The following FRRS1 variants were observed in gnomAD, a reference collection of about 807,000 sequenced individuals.
FRRS1 encodes ferric reductase 1.
In FRRS1, 51 loss-of-function variants were observed where a neutral mutation model predicts 70.7. The ratio of observed to expected loss-of-function variants is 0.72; its 90% CI spans 0.58 to 0.91. The LOEUF is 0.91. FRRS1 is among the 40% of genes least tolerant of loss of function. The probability of loss-of-function intolerance (pLI) is 0.00; values close to 1 mark genes in which losing one functional copy is unlikely to be tolerated. For missense variants in FRRS1, 672 were observed against 726.0 expected, an observed-to-expected ratio of 0.93 and a Z score of 0.86; for synonymous variants, 225 against 238.7, an observed-to-expected ratio of 0.94 and a Z score of 0.53.
intron 9 of FRRS1, among the ~76,000 whole-genome samples, chr1:99,720,656 A>C (rs1219035877): frequency 2.0e-5 from 3 of 152,168 alleles, no homozygotes; most frequent in Non-Finnish European, 4.4e-5. Flanking sequence ...AAAATTGTCC[A>C]CCTAGATATT....
intron 10 of FRRS1, 52 bp from the exon 11 acceptor site, chr1:99,717,577 C>T (rs371515765): frequency 2.1e-4 from 262 of 1,256,510 alleles, no homozygotes; most frequent in East Asian, 3.3e-4. Context: ...ATCAAGCCAT[C>T]GCTTAAATGA....
chr1:99,747,615 G>A, intron 3 of FRRS1, 185 bp from the exon 4 acceptor site: 1 of 566,020 alleles, frequency 1.8e-6, no homozygotes, highest in Non-Finnish European at 3.1e-6. Context: ...TGTTCCATAA[G>A]ATATTCAATC....
chr1:99,748,266 G>A (rs1656388355), intron 3 of FRRS1: 1 of 192,926 alleles, frequency 5.2e-6, no homozygotes, highest in Non-Finnish European at 1.0e-5. Flanking sequence ...ATATCAAGAA[G>A]GACAAGGGTT....
At position 99,715,575 on chromosome 1, in the gene FRRS1, G is replaced by C. The variant is rs201835595; in HGVS notation, c.1323+11C>G. The C allele has an allele frequency of 1.6e-4, 249 of 1,527,656 alleles. No individual in the cohort carries two copies. The highest frequency in any genetic ancestry group is 2.1e-4 in the Non-Finnish European group (234 of 1,103,566). The allele number at this position is 1,527,656 out of a possible 1,614,324, so 94.6% of individuals were successfully genotyped here. Reference sequence around the variant, plus strand: ...GATTTATAAAAAAAACCCTATTTAAGATATACTTACCCTACTCCAGCCTCC... The same window carrying C: ...GATTTATAAAAAAAACCCTATTTAACATATACTTACCCTACTCCAGCCTCC... On this transcript the variant is annotated intron_variant, in intron 12 of 16. Coordinates refer to ENST00000646001, the MANE Select transcript of FRRS1 (RefSeq NM_001361041.2).
intron 7 of FRRS1, among the ~76,000 whole-genome samples, chr1:99,736,534 C>A (rs1655665051): frequency 6.7e-6 from 1 of 149,100 alleles, no homozygotes; most frequent in Non-Finnish European, 1.5e-5. Flanking sequence ...AAACCAAACA[C>A]CGCATGTTCT....
intron 12 of FRRS1, among the ~76,000 whole-genome samples, chr1:99,713,409 A>G (rs1245416265): frequency 6.6e-6 from 1 of 152,236 alleles, no homozygotes; most frequent in Non-Finnish European, 1.5e-5. Flanking sequence ...TGAATAAAAT[A>G]AAGTTCTCAT....
chr1:99,716,573 T>C (rs946612019), intron 11 of FRRS1, among the ~76,000 whole-genome samples: 5 of 152,146 alleles, frequency 3.3e-5, no homozygotes, highest in African/African-American at 1.2e-4. Context: ...CAAATCAGAC[T>C]GGCCTTCCCA....
At chr1:99,725,378 T>G (rs189988006) in intron 9 of FRRS1, among the ~76,000 whole-genome samples, 1 of 152,314 alleles carries the variant, frequency 6.6e-6, no homozygotes, top group Admixed American at 6.5e-5. Flanking sequence ...GTTCCCTGTA[T>G]CCCCTCGACT....
rs372686452 is a variant in FRRS1 at position 99,748,567 on chromosome 1, C to T, written c.196+6G>A. Reference sequence around the variant, plus strand: ...AAAATGTAAACAGTTAATCCCAGCACGGTACCTTCAATCTGATCTCCTGGC... The same window carrying T: ...AAAATGTAAACAGTTAATCCCAGCATGGTACCTTCAATCTGATCTCCTGGC... On this transcript the variant is annotated splice_donor_region_variant and intron_variant, in intron 3 of 16. Coordinates refer to ENST00000646001, the MANE Select transcript of FRRS1 (RefSeq NM_001361041.2). The T allele has an allele frequency of 1.7e-5, 27 of 1,609,104 alleles. No homozygotes were observed. The highest frequency in any genetic ancestry group is 1.3e-4 in the Admixed American group (8 of 59,880).
intron 1 of FRRS1, among the ~76,000 whole-genome samples, chr1:99,752,670 G>T (rs923120632): frequency 1.3e-5 from 2 of 152,178 alleles, no homozygotes; most frequent in African/African-American, 4.8e-5. Context: ...CCGCATTTTG[G>T]GAGGCCAAGT....
intron 1 of FRRS1, among the ~76,000 whole-genome samples, chr1:99,753,003 A>G (rs1297411567): frequency 2.0e-5 from 3 of 152,140 alleles, no homozygotes; most frequent in Non-Finnish European, 2.9e-5. Flanking sequence ...CCTTGAGTTC[A>G]GGAGTTCAAG....
At chr1:99,720,805 A>C (rs1321813596) in intron 9 of FRRS1, among the ~76,000 whole-genome samples, 1 of 151,326 alleles carries the variant, frequency 6.6e-6, no homozygotes, top group African/African-American at 2.4e-5. Context: ...TATTCAAAAA[A>C]AGTTTTTATC....
At chr1:99,735,900 T>C (rs1323772454) in intron 7 of FRRS1, among the ~76,000 whole-genome samples, 1 of 152,220 alleles carries the variant, frequency 6.6e-6, no homozygotes, top group Non-Finnish European at 1.5e-5. Flanking sequence ...ATCCGTATAC[T>C]ATAGCATGAA....
intron 7 of FRRS1, among the ~76,000 whole-genome samples, chr1:99,732,083 A>C (rs1049163050): frequency 4.6e-5 from 7 of 152,258 alleles, no homozygotes; most frequent in African/African-American, 1.7e-4. Flanking sequence ...AGGCAAACTG[A>C]GGATGAGAAG....
Position 99,712,107 on chromosome 1 carries a change from G to A in FRRS1, c.1478C>T (p.Ala493Val), listed in dbSNP as rs1296093208. 19 of 1,598,758 alleles carry A rather than the reference G, an allele frequency of 1.2e-5. No individual in the cohort carries two copies. In the Admixed American group the frequency reaches 3.0e-4, roughly 26 times the overall value. The change falls in exon 14 of 17, where the codon GCA becomes GTA. Residue 493 changes from alanine (A) to valine (V), a missense_variant and splice_region_variant. Ala to Val is a moderately conservative substitution (Grantham distance 64). Transcript: ENST00000646001. The part of the protein sequence containing the change: ...WSMGTAARII[A>V]VAAMFLGMDL... ...TAAGTGGCATCACAATCTCTTACCTGCTATTATTCTAGCAGCTGTTCCCAT... is the reference window on the plus strand; with the variant it reads ...TAAGTGGCATCACAATCTCTTACCTACTATTATTCTAGCAGCTGTTCCCAT...
Position 99,704,064 on chromosome 1 carries a change from TAA to T in FRRS1, c.*4962_*4963del, listed in dbSNP as rs1464010221. Among the ~76,000 whole-genome samples, 7 of 152,178 alleles carry T rather than the reference TAA, an allele frequency of 4.6e-5. No homozygotes were observed. Among genetic ancestry groups the T allele is most frequent in the African/African-American group, 7.2e-5 (3 of 41,428 alleles). On this transcript the variant is annotated 3_prime_UTR_variant, in exon 17 of 17. Coordinates refer to ENST00000646001, the MANE Select transcript of FRRS1 (RefSeq NM_001361041.2). ...TATACATTTTACATGCAAAATTTAT[TAA>T]GTTTAACACTGCAATCAAATGGCAA...
intron 1 of FRRS1, among the ~76,000 whole-genome samples, chr1:99,754,214 CCAG>C (rs1187909491): frequency 3.3e-5 from 5 of 152,096 alleles, no homozygotes; most frequent in African/African-American, 1.2e-4. Context: ...GCCTATAATC[CCAG>C]CACTTTGTTA....
intron 4 of FRRS1, among the ~76,000 whole-genome samples, 178 bp from the exon 5 acceptor site, chr1:99,742,451 A>G (rs1365805156): frequency 6.6e-6 from 1 of 152,228 alleles, no homozygotes; most frequent in African/African-American, 2.4e-5. Flanking sequence ...GGTTGAGAAC[A>G]TATTAGCAGC....
Position 99,737,727 on chromosome 1 carries a change from G to T in FRRS1, c.759+359C>A, listed in dbSNP as rs190963316. The stretch of plus-strand genomic sequence containing the variant: ...AAACAGTTTCAATGATTCTCCTTTT[G>T]GTTTTTTGTTTGTTTGTTTTGGGGG... On this transcript the variant is annotated intron_variant, in intron 7 of 16. Transcript: ENST00000646001. 2.2e-3 allele frequency among the ~76,000 whole-genome samples: 337 copies of T among 152,102 alleles called. 1 individual carries two copies. Among genetic ancestry groups the T allele is most frequent in the Non-Finnish European group, 3.6e-3 (244 of 67,966 alleles).
Sources: allele counts gnomAD v4.1 joint callset (sites outside exome capture counted in the v4.1 genomes callset), GRCh38; gene constraint gnomAD v4.1.1; transcripts MANE v1.5; gene names NCBI Gene and HGNC (gene_info 2026-07-23, HGNC 2026-07-21).